Variants in AFF4 observed in about 807,000 individuals in gnomAD.
AFF4 encodes ALF transcription elongation factor 4.
A neutral mutation model predicts 124.8 loss-of-function variants in AFF4; 13 were observed. The ratio of observed to expected loss-of-function variants is 0.10; its 90% confidence interval spans 0.07 to 0.17. AFF4 has a LOEUF of 0.17. Ranked by LOEUF, AFF4 falls within the 10% of genes least tolerant of loss-of-function variation. The pLI is 1.00. For synonymous variants in AFF4, 477 were observed against 496.1 expected (o/e 0.96, Z 0.51); for missense variants, 1,092 against 1,403.8 (o/e 0.78, Z 3.55).
chr5:132,926,187 C>G (rs759034001), intron 5 of AFF4: 1 of 462,698 alleles, frequency 2.2e-6, no homozygotes, highest in South Asian at 1.7e-5. Context: ...ATATGTATTA[C>G]ATGAATATAA....
rs1001651587 is a variant in AFF4, at chr5:132,878,533, G to T, written c.*2526C>A. The T allele has an allele frequency of 1.3e-5, 3 of 232,084 alleles. No homozygotes were observed. Among genetic ancestry groups the T allele is most frequent in the Non-Finnish European group, 2.6e-5 (3 of 117,066 alleles). The allele number at this position is 232,084 out of a possible 1,614,324, so 14.4% of individuals were successfully genotyped here. ...CAAAGTATGTGCTGGAGCAGATGAT[G>T]ACAAAGACAGAACATCTAAGAAGAT... On this transcript the variant is annotated 3_prime_UTR_variant, in exon 21 of 21. Transcript: ENST00000265343.
At chr5:132,922,778 CAAA>C (rs554387527) in intron 5 of AFF4, among the ~76,000 whole-genome samples, 9 of 56,748 alleles carry the variant, frequency 1.6e-4, no homozygotes, top group Admixed American at 6.9e-4. Flanking sequence ...GACTCCATCT[CAAA>C]AAAAAAAAAA....
chr5:132,900,930 A>G, intron 7 of AFF4: 3 of 984,964 alleles, frequency 3.0e-6, no homozygotes, highest in Non-Finnish European at 3.6e-6. Context: ...CTTTCACTCT[A>G]TTAACTACTT....
chr5:132,921,058 C>T (rs4705871), intron 5 of AFF4, among the ~76,000 whole-genome samples: 17,352 of 149,242 alleles, frequency 0.12, 1,261 homozygotes, highest in South Asian at 0.2. Context: ...ACTCGGGAGG[C>T]GGAGCTTGCA....
rs138811630 is a variant in AFF4 at position 132,896,456 on chromosome 5, C to G, written c.2174G>C (p.Arg725Thr). ...IVKIDLNLLTRIPGKPYKETE... is the reference protein window; with the variant it reads ...IVKIDLNLLTTIPGKPYKETE... ...TTCTTTGTAAGGCTTTCCTGGTATTCTAGTCAAAAGATTCAGGTCAATCTT... is the reference window on the plus strand; with the variant it reads ...TTCTTTGTAAGGCTTTCCTGGTATTGTAGTCAAAAGATTCAGGTCAATCTT... The change falls in exon 11 of 21, where the codon AGA (arginine) becomes ACA (threonine). Residue 725 changes from arginine to threonine, a missense_variant. Around this residue, in one of 11 missense-constraint regions of AFF4, gnomAD observed 293 missense variants for 280.2 expected, o/e 1.05. Transcript: ENST00000265343. 7.6e-5 allele frequency: 122 copies of G among 1,614,208 alleles called. No individual in the cohort carries two copies. The African/African-American group carries it at 1.5e-3, about 19-fold the overall frequency.
intron 7 of AFF4, chr5:132,900,787 A>T: frequency 1.2e-6 from 1 of 837,926 alleles, no homozygotes; most frequent in Non-Finnish European, 1.4e-6. Context: ...TTGTCTTTTT[A>T]CATGGGAGGA....
chr5:132,901,301 G>A (rs1363084662), intron 7 of AFF4, among the ~76,000 whole-genome samples: 4 of 152,216 alleles, frequency 2.6e-5, no homozygotes, highest in Admixed American at 2.6e-4. Context: ...TATATGGTAA[G>A]ACCACATCCG....
intron 11 of AFF4, among the ~76,000 whole-genome samples, chr5:132,894,187 T>C (rs145311343): frequency 6.6e-6 from 1 of 152,328 alleles, no homozygotes; most frequent in African/African-American, 2.4e-5. Flanking sequence ...CTTGGATATA[T>C]AACTAGCAGT....
intron 14 of AFF4, among the ~76,000 whole-genome samples, chr5:132,888,829 C>G (rs1760183242): frequency 6.6e-6 from 1 of 152,074 alleles, no homozygotes; most frequent in Admixed American, 6.5e-5. Context: ...TCCTGAATAG[C>G]TGCGATTACA....
chr5:132,926,131 T>C (rs1761165046), intron 5 of AFF4: 1 of 337,902 alleles, frequency 3.0e-6, no homozygotes, highest in Non-Finnish European at 6.0e-6. Context: ...CAGAACAATA[T>C]ATTTGCGTAG....
At chr5:132,931,290 A>G (rs997126727) in intron 4 of AFF4, among the ~76,000 whole-genome samples, 9 of 151,890 alleles carry the variant, frequency 5.9e-5, no homozygotes, top group South Asian at 2.1e-4. Flanking sequence ...TTAGCTGGAC[A>G]TGGTGGTGGG....
chr5:132,928,373 A>T (rs1170106177), intron 4 of AFF4, among the ~76,000 whole-genome samples: 1 of 152,172 alleles, frequency 6.6e-6, no homozygotes, highest in Non-Finnish European at 1.5e-5. Flanking sequence ...AAACCAAAAA[A>T]ATATTTCCAC....
chr5:132,959,757 C>CTTTTTTTTTTTTTTTT, intron 1 of AFF4, among the ~76,000 whole-genome samples: 1 of 71,514 alleles, frequency 1.4e-5, no homozygotes, highest in Non-Finnish European at 2.5e-5. Context: ...GAGTGCTTTT[C>CTTTTTTTTTTTTTTTT]TTTTTTTTTT....
chr5:132,958,632 T>C (rs1341472556), intron 1 of AFF4, among the ~76,000 whole-genome samples: 2 of 151,926 alleles, frequency 1.3e-5, no homozygotes, highest in African/African-American at 4.8e-5. Flanking sequence ...AGAAACAAGT[T>C]AGAAGAAATA....
chr5:132,902,954 G>A (rs918868982), intron 6 of AFF4, among the ~76,000 whole-genome samples: 2 of 152,126 alleles, frequency 1.3e-5, no homozygotes, highest in Non-Finnish European at 2.9e-5. Flanking sequence ...ATAATTTTAA[G>A]GTTAAACAAT....
At position 132,934,451 on chromosome 5, in the gene AFF4, T is replaced by C; in HGVS notation, c.614A>G (p.Lys205Arg). ...SRSHGNDHHS[K>R]EHQRSKSPRD... ...AGGTGATTTGGAGCGTTGATGTTCC[T>C]TGCTATGGTGATCATTCCCATGAGA... Residue 205 changes from lysine to arginine, a missense_variant, in exon 3 of 21, where the codon AAG (lysine) becomes AGG (arginine). This residue lies in a region of AFF4 where 188 missense variants were observed against 203.0 expected (regional missense o/e 0.93). Coordinates refer to ENST00000265343, the MANE Select transcript of AFF4 (RefSeq NM_014423.4). 1 of 1,614,182 alleles carries C rather than the reference T, an allele frequency of 6.2e-7. No homozygotes were observed. The highest frequency in any genetic ancestry group is 1.1e-5 in the South Asian group (1 of 91,086).
intron 5 of AFF4, among the ~76,000 whole-genome samples, chr5:132,920,356 A>ATT (rs71581351): frequency 0.034 from 4,334 of 125,792 alleles, 250 homozygotes; most frequent in African/African-American, 0.12. Context: ...GCGGGCAAAC[A>ATT]TTTTTTTTTT....
chr5:132,949,456 C>T (rs901237694), intron 1 of AFF4, among the ~76,000 whole-genome samples: 6 of 152,168 alleles, frequency 3.9e-5, no homozygotes, highest in Middle Eastern at 3.4e-3. Context: ...GTGGAAGGAC[C>T]GCTTGAGCCC....
At chr5:132,957,061 C>T (rs1173219841) in intron 1 of AFF4, among the ~76,000 whole-genome samples, 1 of 138,014 alleles carries the variant, frequency 7.2e-6, no homozygotes, top group African/African-American at 2.7e-5. Flanking sequence ...AGAAAAATGG[C>T]CAGGTGCAGT....
Sources: gnomAD v4.1 joint callset for allele counts (sites outside exome capture counted in the v4.1 genomes callset) on GRCh38, gnomAD v4.1.1 for gene constraint, gnomAD v4.1.1 regional missense constraint, MANE v1.5 for transcripts, NCBI Gene and HGNC (gene_info 2026-07-23, HGNC 2026-07-21) for gene names.